INSC: variants seen among roughly 807,000 people sequenced by gnomAD.
INSC encodes the protein protein inscuteable homolog.
In INSC, 67 loss-of-function variants were observed where a neutral mutation model predicts 58.6. The observed-to-expected ratio is 1.14, with a 90% CI of 0.94 to 1.40. The LOEUF is 1.40. Among genes scored for constraint, INSC ranks in the 40% most tolerant of loss-of-function variants. The probability of loss-of-function intolerance (pLI) is 0.00; values close to 1 mark genes in which losing one functional copy is unlikely to be tolerated. For synonymous variants in INSC, 262 were observed against 276.1 expected, an observed-to-expected ratio of 0.95 and a Z score of 0.51; for missense variants, 714 against 692.0, an observed-to-expected ratio of 1.03 and a Z score of -0.36.
chr11:15,241,357 C>T (rs922599799), intron 12 of INSC, among the ~76,000 whole-genome samples: 9 of 152,186 alleles, frequency 5.9e-5, no homozygotes, highest in African/African-American at 2.2e-4. Context: ...AAGTCCTCTC[C>T]TCAGCCCATT....
intron 6 of INSC, among the ~76,000 whole-genome samples, chr11:15,197,549 T>C (rs1011657558): frequency 1.3e-5 from 2 of 152,316 alleles, no homozygotes; most frequent in East Asian, 3.9e-4. Flanking sequence ...GCCTTCCTCA[T>C]CCACCTCTTT....
intron 1 of INSC, among the ~76,000 whole-genome samples, chr11:15,144,857 T>G (rs1350146542): frequency 1.3e-5 from 2 of 152,244 alleles, no homozygotes; most frequent in Non-Finnish European, 2.9e-5. Context: ...GGAGCTGTTG[T>G]CACAGCAAAC....
intron 1 of INSC, among the ~76,000 whole-genome samples, chr11:15,116,839 TTCTTTCTTTCTCTC>T (rs1847716291): frequency 2.2e-5 from 1 of 46,300 alleles, no homozygotes; most frequent in African/African-American, 1.4e-4. Flanking sequence ...CTTTCTTTCT[TTCTTTCTTTCTCTC>T]TCTCTCTCTC....
At chr11:15,127,071 A>C (rs1420507784) in intron 1 of INSC, among the ~76,000 whole-genome samples, 7 of 152,154 alleles carry the variant, frequency 4.6e-5, no homozygotes, top group Admixed American at 4.6e-4. Flanking sequence ...TGGTGTGGCA[A>C]GGGGATATCT....
In INSC at chr11:15,242,039, T is replaced by C. The variant is rs548540248; in HGVS notation, c.1470+1516T>C. 9.1e-4 allele frequency among the ~76,000 whole-genome samples: 138 copies of C among 152,330 alleles called. 1 individual carries two copies. The highest frequency in any genetic ancestry group is 3.2e-3 in the African/African-American group (131 of 41,560). On this transcript the variant is annotated intron_variant, in intron 12 of 12. Coordinates refer to ENST00000379556, the MANE Select transcript of INSC (RefSeq NM_001042536.3). ...AACTGAAGGAAATGCTAAGTTTCAG[T>C]TACAGGTTGGTGAAAATAAAGATGT...
chr11:15,228,171 T>A (rs147085866), intron 9 of INSC, among the ~76,000 whole-genome samples: 3 of 152,230 alleles, frequency 2.0e-5, no homozygotes, highest in Non-Finnish European at 4.4e-5. Flanking sequence ...GGCCTTTGAA[T>A]GTGTGGCACA....
chr11:15,156,768 A>G (rs1226432865), intron 2 of INSC, among the ~76,000 whole-genome samples: 1 of 152,186 alleles, frequency 6.6e-6, no homozygotes, highest in East Asian at 1.9e-4. Context: ...TCGAAGATGC[A>G]CTATAGGTGG....
At chr11:15,185,089 A>G (rs1849915591) in intron 5 of INSC, among the ~76,000 whole-genome samples, 1 of 152,240 alleles carries the variant, frequency 6.6e-6, no homozygotes, top group African/African-American at 2.4e-5. Context: ...TGGGTAACAA[A>G]TGATTCTGCA....
chr11:15,262,913 G>C, the INSC span, among the ~76,000 whole-genome samples: 1 of 151,976 alleles, frequency 6.6e-6, no homozygotes, highest in Non-Finnish European at 1.5e-5. Context: ...CTGAATATAG[G>C]TATCTGACTC....
chr11:15,264,971 G>T, the INSC span, among the ~76,000 whole-genome samples: 4 of 152,028 alleles, frequency 2.6e-5, no homozygotes, highest in Non-Finnish European at 5.9e-5. Flanking sequence ...GTAACTAAGA[G>T]AATTTGTCAC....
At chr11:15,232,936 A>G (rs1026460774) in intron 9 of INSC, among the ~76,000 whole-genome samples, 1 of 152,242 alleles carries the variant, frequency 6.6e-6, no homozygotes, top group African/African-American at 2.4e-5. Flanking sequence ...TTTGCTATGT[A>G]AGACTCATTT....
intron 1 of INSC, among the ~76,000 whole-genome samples, chr11:15,133,844 A>G (rs1338254144): frequency 6.6e-6 from 1 of 152,350 alleles, no homozygotes; most frequent in African/African-American, 2.4e-5. Flanking sequence ...AAACATTAAA[A>G]GCATCATTAT....
At chr11:15,176,107 A>G in intron 3 of INSC, 21 bp downstream of exon 3, 1 of 1,483,112 alleles carries the variant, frequency 6.7e-7, no homozygotes, top group Non-Finnish European at 9.1e-7. Flanking sequence ...CTGGGATAGG[A>G]GTGGGCGGGA....
chr11:15,211,070 C>G (rs914105524), intron 7 of INSC, among the ~76,000 whole-genome samples: 1 of 151,948 alleles, frequency 6.6e-6, no homozygotes, highest in African/African-American at 2.4e-5. Context: ...GGGGAAGAGA[C>G]TTACTGGAGG....
At chr11:15,237,708 A>G (rs143513767) in intron 10 of INSC, among the ~76,000 whole-genome samples, 1 of 152,324 alleles carries the variant, frequency 6.6e-6, no homozygotes, top group East Asian at 1.9e-4. Context: ...GCAAACTTAG[A>G]TGCCTACAAA....
downstream of INSC, among the ~76,000 whole-genome samples, chr11:15,248,058 T>C (rs1852610968): frequency 6.6e-6 from 1 of 152,146 alleles, no homozygotes; most frequent in South Asian, 2.1e-4. Flanking sequence ...AGCAACTAGT[T>C]GATACTGCAA....
At chr11:15,180,515 T>C (rs1468479400) in intron 5 of INSC, among the ~76,000 whole-genome samples, 1 of 152,016 alleles carries the variant, frequency 6.6e-6, no homozygotes, top group Non-Finnish European at 1.5e-5. Flanking sequence ...ATTCTGATCA[T>C]ATTCAGGGTG....
intron 2 of INSC, among the ~76,000 whole-genome samples, chr11:15,156,313 C>T (rs1848813921): frequency 6.6e-6 from 1 of 152,152 alleles, no homozygotes; most frequent in Admixed American, 6.5e-5. Context: ...CTGTATGTCA[C>T]CTAAGGGCAG....
the INSC span, among the ~76,000 whole-genome samples, chr11:15,259,128 G>A: frequency 6.6e-6 from 1 of 152,180 alleles, no homozygotes; most frequent in African/African-American, 2.4e-5. Context: ...CTCTGGATCT[G>A]TGGGGGAGTC....
Sources: gnomAD v4.1 joint callset for allele counts (sites outside exome capture counted in the v4.1 genomes callset) on GRCh38, gnomAD v4.1.1 for gene constraint, MANE v1.5 for transcripts, NCBI Gene and HGNC (gene_info 2026-07-23, HGNC 2026-07-21) for gene names.